The following MICAL3 variants were observed in gnomAD, a reference collection of about 807,000 sequenced individuals.
MICAL3 encodes the protein microtubule associated monooxygenase, calponin and LIM domain containing 3, also known as [F-actin]-monooxygenase MICAL3.
Under a neutral mutation model 207.4 loss-of-function variants are expected in MICAL3, and 62 were observed. The ratio of observed to expected loss-of-function variants is 0.30; its 90% CI spans 0.24 to 0.37. The LOEUF (loss-of-function observed/expected upper bound fraction) is 0.37. Ranked by LOEUF, MICAL3 falls within the 10% of genes least tolerant of loss-of-function variation. The pLI is 1.00. For synonymous variants in MICAL3, 1,077 were observed against 1,069.3 expected, an observed-to-expected ratio of 1.01 and a Z score of -0.14; for missense variants, 2,368 against 2,635.6, an observed-to-expected ratio of 0.90 and a Z score of 2.22.
At chr22:17,844,767 A>G (rs550104352) in intron 19 of MICAL3, among the ~76,000 whole-genome samples, 10 of 152,334 alleles carry the variant, frequency 6.6e-5, no homozygotes, top group African/African-American at 1.9e-4. Flanking sequence ...CAGGGCACAA[A>G]AAGAATATGC....
At chr22:17,876,797 A>AGTTATGGAG (rs1928469739) in intron 16 of MICAL3, 1 of 39,770 alleles carries the variant, frequency 2.5e-5, no homozygotes, top group East Asian at 8.7e-4. Context: ...AGGTTAGGGA[A>AGTTATGGAG]GTTATGGAGG....
intron 16 of MICAL3, among the ~76,000 whole-genome samples, chr22:17,875,963 G>A (rs1054712171): frequency 1.3e-5 from 2 of 152,140 alleles, no homozygotes; most frequent in South Asian, 2.1e-4. Flanking sequence ...AGATTCTCCC[G>A]CCACCCTATC....
At chr22:17,794,122 G>C (rs2061852077) in intron 29 of MICAL3, among the ~76,000 whole-genome samples, 1 of 152,202 alleles carries the variant, frequency 6.6e-6, no homozygotes, top group Non-Finnish European at 1.5e-5. Context: ...TCCTCCAAGA[G>C]GGATGATGTG....
rs374621205 is a variant in MICAL3, at chr22:17,831,912, TTCC to T, written c.2994_2996del (p.Glu1000del). ...CCTCCTCCTCCTCCTCTTCATATTC[TTCC>T]TCCTCCTCCTCCTCCTCTTCATTCC... On this transcript the variant is annotated inframe_deletion, in exon 21 of 32. Coordinates refer to ENST00000441493, the MANE Select transcript of MICAL3 (RefSeq NM_015241.3). The T allele has an allele frequency of 1.7e-3, 2,705 of 1,547,842 alleles. 16 individuals carry two copies. Among genetic ancestry groups the T allele is most frequent in the Admixed American group, 1.9e-3 (98 of 51,352 alleles).
intron 18 of MICAL3, among the ~76,000 whole-genome samples, chr22:17,865,598 C>T (rs1411434578): frequency 6.6e-5 from 10 of 152,194 alleles, no homozygotes; most frequent in Admixed American, 5.9e-4. Context: ...GAACATGAGG[C>T]GGCATCACCC....
intron 19 of MICAL3, among the ~76,000 whole-genome samples, chr22:17,844,098 G>A (rs1489906091): frequency 9.9e-5 from 15 of 152,072 alleles, no homozygotes; most frequent in African/African-American, 3.4e-4. Context: ...CGCCCGCCTC[G>A]GCCTCCCAAA....
intron 1 of MICAL3, among the ~76,000 whole-genome samples, chr22:17,973,746 C>A (rs556054723): frequency 2.0e-5 from 3 of 152,034 alleles, no homozygotes; most frequent in Non-Finnish European, 4.4e-5. Context: ...CTGGGCAACA[C>A]GGTGAGACGC....
chr22:17,905,691 T>C (rs985142140), intron 2 of MICAL3, among the ~76,000 whole-genome samples: 3 of 152,294 alleles, frequency 2.0e-5, no homozygotes, highest in East Asian at 3.9e-4. Flanking sequence ...ATCTGCAAAT[T>C]TGTGTCCCTG....
At chr22:17,986,961 T>G (rs1327210175) in intron 1 of MICAL3, among the ~76,000 whole-genome samples, 2 of 152,102 alleles carry the variant, frequency 1.3e-5, no homozygotes. Context: ...CATTTTCGAC[T>G]GGCGTGGTGG....
At chr22:17,838,725 A>T (rs1923670301) in intron 20 of MICAL3, among the ~76,000 whole-genome samples, 1 of 152,186 alleles carries the variant, frequency 6.6e-6, no homozygotes, top group African/African-American at 2.4e-5. Flanking sequence ...GAGTTCACTG[A>T]ACTTGTGAAA....
At chr22:17,926,372 T>C (rs1247739688) in intron 1 of MICAL3, among the ~76,000 whole-genome samples, 3 of 152,214 alleles carry the variant, frequency 2.0e-5, no homozygotes, top group East Asian at 1.9e-4. Context: ...AAGGATTATA[T>C]AGCTGAACTC....
chr22:17,986,642 A>G (rs757644103), intron 1 of MICAL3, among the ~76,000 whole-genome samples: 15 of 152,200 alleles, frequency 9.9e-5, no homozygotes, highest in Non-Finnish European at 1.9e-4. Flanking sequence ...GCAGTGAGTC[A>G]CCCACTTCAC....
chr22:17,930,386 T>C (rs1313115579), intron 1 of MICAL3, among the ~76,000 whole-genome samples: 1 of 152,130 alleles, frequency 6.6e-6, no homozygotes, highest in East Asian at 1.9e-4. Flanking sequence ...TTCATAATAC[T>C]CAAAAATTGG....
chr22:17,941,499 C>T (rs1399996945), intron 1 of MICAL3, among the ~76,000 whole-genome samples: 1 of 152,118 alleles, frequency 6.6e-6, no homozygotes, highest in Admixed American at 6.5e-5. Context: ...GACAAGGGGT[C>T]CCCTGCAAAG....
intron 29 of MICAL3, among the ~76,000 whole-genome samples, chr22:17,804,986 G>A (rs2061975788): frequency 6.6e-6 from 1 of 152,198 alleles, no homozygotes; most frequent in African/African-American, 2.4e-5. Context: ...TTGCAGCCTG[G>A]CCATACGTCG....
intron 1 of MICAL3, among the ~76,000 whole-genome samples, chr22:17,922,793 C>T (rs1338687829): frequency 6.6e-6 from 1 of 152,098 alleles, no homozygotes; most frequent in Non-Finnish European, 1.5e-5. Context: ...TTCCAAGCCA[C>T]AGAAAGGAAT....
At chr22:17,910,218 C>G (rs1227858463) in intron 1 of MICAL3, among the ~76,000 whole-genome samples, 1 of 152,190 alleles carries the variant, frequency 6.6e-6, no homozygotes, top group Non-Finnish European at 1.5e-5. Flanking sequence ...TAGCGCCTGC[C>G]TTGGCTTACA....
chr22:17,889,203 A>G lies in MICAL3; in HGVS notation c.1722T>C (p.Asn574=), dbSNP rs1389445315. 2.5e-6 allele frequency: 4 copies of G among 1,612,652 alleles called. No homozygotes were observed. Among genetic ancestry groups the G allele is most frequent in the Admixed American group, 1.7e-5 (1 of 59,976 alleles). The change falls in exon 13 of 32, where the codon AAT becomes AAC. Residue 574 remains asparagine, a synonymous_variant. Coordinates refer to ENST00000441493, the MANE Select transcript of MICAL3 (RefSeq NM_015241.3). ...LIDFDSLDEQ[N]VEKNNQLAFD... ...AGGCCAGTTGGTTATTCTTCTCCAC[A>G]TTTTGCTCATCCAAAGAATCAAAAT...
At chr22:17,979,239 A>G (rs918985914) in intron 1 of MICAL3, among the ~76,000 whole-genome samples, 3 of 151,548 alleles carry the variant, frequency 2.0e-5, no homozygotes, top group Non-Finnish European at 4.4e-5. Context: ...CCTGCCATAT[A>G]GTAGGTATAA....
Sources: allele counts gnomAD v4.1 joint callset (sites outside exome capture counted in the v4.1 genomes callset), GRCh38; gene constraint gnomAD v4.1.1; transcripts MANE v1.5; gene names NCBI Gene and HGNC (gene_info 2026-07-23, HGNC 2026-07-21).